The following CFAP53 variants were observed in gnomAD, a reference collection of about 807,000 sequenced individuals.
CFAP53 encodes the protein cilia- and flagella-associated protein 53.
In CFAP53, 62 loss-of-function variants were observed where a neutral mutation model predicts 59.7. That is an observed-to-expected ratio of 1.04 (90% confidence interval 0.85 to 1.28). The LOEUF (loss-of-function observed/expected upper bound fraction) is 1.28, where lower values mean the gene tolerates loss of function less well. CFAP53 is among the 50% of genes most tolerant of loss of function. CFAP53 has a pLI of 0.00. For missense variants in CFAP53, 629 were observed against 615.6 expected (o/e 1.02, Z -0.23); for synonymous variants, 218 against 205.7 (o/e 1.06, Z -0.51).
intron 7 of CFAP53, among the ~76,000 whole-genome samples, chr18:50,237,325 A>AAAAAAAAAAAT (rs2033644423): frequency 1.1e-4 from 1 of 9,364 alleles, no homozygotes; most frequent in Non-Finnish European, 3.7e-4. Flanking sequence ...AAAAAAAAAA[A>AAAAAAAAAAAT]AAAAATATAT....
intron 5 of CFAP53, among the ~76,000 whole-genome samples, chr18:50,246,531 AAAG>A (rs1212814764): frequency 6.6e-6 from 1 of 152,120 alleles, no homozygotes; most frequent in Non-Finnish European, 1.5e-5. Context: ...ACAAGAAAAC[AAAG>A]AAGTACATCT....
intron 5 of CFAP53, among the ~76,000 whole-genome samples, chr18:50,243,953 A>G (rs75595171): frequency 6.7e-6 from 1 of 149,008 alleles, no homozygotes; most frequent in African/African-American, 2.4e-5. Context: ...CTCCGTTTCA[A>G]AAAAAAAAAA....
intron 7 of CFAP53, among the ~76,000 whole-genome samples, chr18:50,229,532 T>C (rs1339120408): frequency 6.6e-6 from 1 of 152,202 alleles, no homozygotes; most frequent in Non-Finnish European, 1.5e-5. Context: ...CTGTGAATAG[T>C]GCTATGAATA....
At chr18:50,246,115 C>T (rs565623550) in intron 5 of CFAP53, among the ~76,000 whole-genome samples, 1 of 152,206 alleles carries the variant, frequency 6.6e-6, no homozygotes, top group African/African-American at 2.4e-5. Context: ...GTCTCAAACT[C>T]CTGACCTCAG....
intron 2 of CFAP53, among the ~76,000 whole-genome samples, 187 bp downstream of exon 2, chr18:50,261,803 T>C (rs1369293640): frequency 4.6e-5 from 7 of 152,164 alleles, no homozygotes; most frequent in African/African-American, 1.7e-4. Context: ...TGAAACAATA[T>C]ATTGTTTTTC....
intron 5 of CFAP53, among the ~76,000 whole-genome samples, chr18:50,246,526 A>T (rs747195696): frequency 2.6e-5 from 4 of 152,386 alleles, no homozygotes; most frequent in Non-Finnish European, 5.9e-5. Context: ...CTCTAACAAG[A>T]AAACAAAGAA....
chr18:50,228,279 G>A (rs112253199), intron 7 of CFAP53, among the ~76,000 whole-genome samples: 49 of 151,920 alleles, frequency 3.2e-4, no homozygotes, highest in African/African-American at 1.1e-3. Context: ...CTTTCATCTC[G>A]GAGGCTGCTC....
rs138587586 is a variant in CFAP53 at position 50,264,667 on chromosome 18, C to T, written c.69+1669G>A. 1.6e-4 allele frequency among the ~76,000 whole-genome samples: 25 copies of T among 152,302 alleles called. No individual in the cohort carries two copies. In the South Asian group the frequency reaches 4.1e-3, roughly 25 times the overall value. ...TATCTTTCTTATCACACTCAGACAC[C>T]GGAGGAGCAGATGCACCAACTCTAA... On this transcript the variant is annotated intron_variant, in intron 1 of 7. Coordinates refer to ENST00000398545, the MANE Select transcript of CFAP53 (RefSeq NM_145020.5).
At chr18:50,228,310 G>A (rs559292923) in intron 7 of CFAP53, among the ~76,000 whole-genome samples, 6 of 152,064 alleles carry the variant, frequency 3.9e-5, no homozygotes, top group African/African-American at 1.4e-4. Context: ...CTGCTCTGCT[G>A]TAGATCAAAG....
intron 3 of CFAP53, among the ~76,000 whole-genome samples, chr18:50,252,601 G>T (rs959218310): frequency 2.0e-5 from 3 of 152,058 alleles, no homozygotes; most frequent in Non-Finnish European, 4.4e-5. Flanking sequence ...TAGAGACAGG[G>T]TCTTGCTATG....
intron 5 of CFAP53, among the ~76,000 whole-genome samples, chr18:50,247,042 TA>T (rs760218280): frequency 3.9e-3 from 540 of 137,606 alleles, no homozygotes; most frequent in Middle Eastern, 3.8e-3. Flanking sequence ...GAGTGAGATT[TA>T]AAAAAAAAAA....
At chr18:50,249,032 G>A (rs1045638002) in intron 5 of CFAP53, among the ~76,000 whole-genome samples, 45 of 150,744 alleles carry the variant, frequency 3.0e-4, no homozygotes, top group Middle Eastern at 3.5e-3. Context: ...GCGAAACGCT[G>A]TCTCTACTAA....
At chr18:50,228,783 C>T (rs1568149038) in intron 7 of CFAP53, among the ~76,000 whole-genome samples, 1 of 151,988 alleles carries the variant, frequency 6.6e-6, no homozygotes, top group Non-Finnish European at 1.5e-5. Flanking sequence ...AAGAGTCAAA[C>T]TCCATCTCAA....
chr18:50,243,888 C>G (rs986219696), intron 5 of CFAP53, among the ~76,000 whole-genome samples: 2 of 151,260 alleles, frequency 1.3e-5, no homozygotes, highest in Non-Finnish European at 2.9e-5. Context: ...GGAGGCGGAG[C>G]TTGCAGTGAG....
chr18:50,266,069 T>C (rs970535210), intron 1 of CFAP53, among the ~76,000 whole-genome samples: 6 of 152,190 alleles, frequency 3.9e-5, no homozygotes, highest in Non-Finnish European at 5.9e-5. Context: ...CTAGTGGTGA[T>C]TCTCCAAAAA....
At chr18:50,239,398 T>C (rs1402901502) in intron 6 of CFAP53, among the ~76,000 whole-genome samples, 1 of 152,004 alleles carries the variant, frequency 6.6e-6, no homozygotes, top group African/African-American at 2.4e-5. Flanking sequence ...AAGTTAAAAA[T>C]ATTTAAGCAT....
Position 50,250,929 on chromosome 18 carries a change from T to C in CFAP53, c.825A>G (p.Leu275=), listed in dbSNP as rs777165570. ...QIKHENEQDM[L]KKQKAKQETR... ...TTTCCTGCTTTGCCTTCTGTTTCTT[T>C]AGCATATCCTGTTCATTCTCATGTT... Residue 275 remains leucine (L), a synonymous_variant, in exon 5 of 8, where the codon CTA becomes CTG. Transcript: ENST00000398545. 5 of 1,614,248 alleles carry C rather than the reference T, an allele frequency of 3.1e-6. No individual in the cohort carries two copies. Among genetic ancestry groups the C allele is most frequent in the Non-Finnish European group, 3.4e-6 (4 of 1,180,052 alleles).
At chr18:50,254,137 A>AG (rs1286995077) in intron 3 of CFAP53, among the ~76,000 whole-genome samples, 1 of 29,526 alleles carries the variant, frequency 3.4e-5, no homozygotes, top group African/African-American at 1.6e-4. Context: ...AAAACCATTT[A>AG]AAAAAAAAAG....
At chr18:50,254,827 G>T (rs755649026) in intron 3 of CFAP53, among the ~76,000 whole-genome samples, 4 of 152,178 alleles carry the variant, frequency 2.6e-5, no homozygotes, top group Non-Finnish European at 5.9e-5. Flanking sequence ...GGAGGCAGAG[G>T]CTGCAGTGAG....
Sources: allele counts gnomAD v4.1 joint callset (sites outside exome capture counted in the v4.1 genomes callset), GRCh38; gene constraint gnomAD v4.1.1; transcripts MANE v1.5; gene names NCBI Gene and HGNC (gene_info 2026-07-23, HGNC 2026-07-21).